IGF2R: variants seen among roughly 807,000 people sequenced by gnomAD.
IGF2R encodes cation-independent mannose-6-phosphate receptor.
IGF2R carries 91 observed loss-of-function variants against 270.6 expected under a neutral mutation model. The observed-to-expected ratio is 0.34, with a 90% CI of 0.28 to 0.40. The LOEUF is 0.40. Ranked by LOEUF, IGF2R falls within the 10% of genes least tolerant of loss-of-function variation. The pLI is 1.00. For synonymous variants in IGF2R, 1,316 were observed against 1,258.9 expected (o/e 1.05, Z -0.96); for missense variants, 2,805 against 3,188.3 (o/e 0.88, Z 2.90).
intron 1 of IGF2R, among the ~76,000 whole-genome samples, chr6:159,980,027 A>C (rs1290410021): frequency 6.6e-6 from 1 of 151,810 alleles, no homozygotes; most frequent in African/African-American, 2.4e-5. Flanking sequence ...AAAATACAAA[A>C]AATCTTAGAT....
intron 4 of IGF2R, among the ~76,000 whole-genome samples, chr6:160,011,196 G>A (rs762834337): frequency 2.0e-5 from 3 of 152,068 alleles, no homozygotes; most frequent in East Asian, 1.9e-4. Context: ...GTTGTACCCC[G>A]CTTTTGATAA....
chr6:160,078,299 C>G lies in IGF2R; in HGVS notation c.5415C>G (p.Thr1805=). The change falls in exon 37 of 48, where the codon ACC becomes ACG. Residue 1805 remains threonine (T), a synonymous_variant. Coordinates refer to ENST00000356956, the MANE Select transcript of IGF2R (RefSeq NM_000876.4). ...ATGAAGTGAGGATGGATGGCTGTAC[C>G]CTGACAGATGAGCAGCTCCTCTACA... is the stretch of plus-strand genomic sequence containing the variant. ...CPDEVRMDGC[T]LTDEQLLYSF... is the part of the protein sequence containing the mutation. 1 of 1,614,108 alleles carries G rather than the reference C, an allele frequency of 6.2e-7. No homozygotes were observed. The highest frequency in any genetic ancestry group is 8.5e-7 in the Non-Finnish European group (1 of 1,179,958).
Position 160,084,177 on chromosome 6 carries a change from G to T in IGF2R, c.6061G>T (p.Gly2021Ter). 6.2e-7 allele frequency: 1 copy of T among 1,604,864 alleles called. No individual in the cohort carries two copies. The highest frequency in any genetic ancestry group is 8.5e-7 in the Non-Finnish European group (1 of 1,171,632). The change falls in exon 40 of 48, where the codon GGA becomes TGA. Residue 2021 changes from glycine to a stop codon, truncating the protein, a stop_gained. Transcript: ENST00000356956. LOFTEE classifies it high-confidence loss of function. The surrounding 1 kb of genome is among the most constrained non-coding windows in gnomAD (Gnocchi z 4.6). Reference protein sequence around the residue: ...LTGSWSLVHNGVSYYINLCQK... With the variant: ...LTGSWSLVHN ...CGGGTCCTGGTCCCTCGTCCACAAC[G>T]GAGTCTCGTGAGTGCCTTCCCAGTC...
At position 160,010,385 on chromosome 6, in the gene IGF2R, G is replaced by A. The variant is rs8191739; in HGVS notation, c.415-302G>A. 57 of 231,214 alleles carry A rather than the reference G, an allele frequency of 2.5e-4. 1 individual carries two copies. The East Asian group carries it at 4.8e-3, about 20-fold the overall frequency. 14.3% of individuals were successfully genotyped at this position (231,214 alleles called of 1,614,324 possible). On this transcript the variant is annotated intron_variant, in intron 3 of 47. Coordinates refer to ENST00000356956, the MANE Select transcript of IGF2R (RefSeq NM_000876.4). ...TTGCTTAAGAGAACATTTGGAGTTT[G>A]AGAGGAGAATGACTGAGGATTTCTT...
intron 26 of IGF2R, 42 bp from the exon 27 acceptor site, chr6:160,063,373 G>A (rs767942522): frequency 6.9e-7 from 1 of 1,444,068 alleles, no homozygotes; most frequent in African/African-American, 1.4e-5. Context: ...GTGAATGCGT[G>A]TGTGGTTGCA....
chr6:159,999,951 A>G (rs1784103928), intron 2 of IGF2R, among the ~76,000 whole-genome samples: 1 of 152,236 alleles, frequency 6.6e-6, no homozygotes, highest in South Asian at 2.1e-4. Flanking sequence ...TTTAATGACT[A>G]AAAGGTGTTC....
intron 10 of IGF2R, among the ~76,000 whole-genome samples, chr6:160,039,273 G>A (rs1240486991): frequency 1.3e-5 from 2 of 152,156 alleles, no homozygotes; most frequent in Admixed American, 6.5e-5. Context: ...GTAACACAAC[G>A]GTAAGTATTT....
At chr6:159,981,337 G>C (rs1010423699) in intron 1 of IGF2R, among the ~76,000 whole-genome samples, 4 of 151,904 alleles carry the variant, frequency 2.6e-5, no homozygotes, top group Non-Finnish European at 5.9e-5. Flanking sequence ...GTGTGTGTCT[G>C]AGTGTGTGTG....
At chr6:159,977,543 G>T (rs1306341955) in intron 1 of IGF2R, among the ~76,000 whole-genome samples, 1 of 152,360 alleles carries the variant, frequency 6.6e-6, no homozygotes, top group Non-Finnish European at 1.5e-5. Flanking sequence ...TGCTGGCAGC[G>T]TGTGGCCTGA....
In IGF2R at chr6:160,072,934, G is replaced by A. The variant is rs368192536; in HGVS notation, c.4690+50G>A. 32 of 1,563,846 alleles carry A rather than the reference G, an allele frequency of 2.0e-5. No individual in the cohort carries two copies. The African/African-American group carries it at 3.7e-4, about 18-fold the overall frequency. ...TTGTCTGACTCTCCCGTCCTCTGGG[G>A]TTGTCCTCAGTCTCTTTGCATGCTA... On this transcript the variant is annotated intron_variant, in intron 33 of 47. Transcript: ENST00000356956.
chr6:160,040,897 G>A (rs1032371832), intron 11 of IGF2R, among the ~76,000 whole-genome samples, 173 bp downstream of exon 11: 2 of 138,446 alleles, frequency 1.4e-5, no homozygotes, highest in Admixed American at 6.9e-5. Context: ...GGACTGGGAG[G>A]TGAAATAACT....
intron 41 of IGF2R, among the ~76,000 whole-genome samples, 165 bp downstream of exon 41, chr6:160,085,296 T>C (rs1414494578): frequency 6.6e-6 from 1 of 152,158 alleles, no homozygotes; most frequent in Non-Finnish European, 1.5e-5. Flanking sequence ...CCTGGCACAT[T>C]AAAATAAGTG....
At chr6:159,989,138 G>C (rs1010925439) in intron 1 of IGF2R, among the ~76,000 whole-genome samples, 1 of 152,182 alleles carries the variant, frequency 6.6e-6, no homozygotes, top group African/African-American at 2.4e-5. Flanking sequence ...GTGGCTATCA[G>C]ACCTTCCAAG....
chr6:160,024,702 T>C lies in IGF2R; in HGVS notation c.644T>C (p.Ile215Thr). The change falls in exon 5 of 48, where the codon ATA becomes ACA. Residue 215 changes from isoleucine to threonine, a missense_variant and splice_region_variant. Physicochemically the swap from Ile to Thr is moderately conservative, Grantham distance 89 (BLOSUM62 -1). Around this residue, in one of 2 missense-constraint regions of IGF2R, gnomAD observed 954 missense variants for 981.1 expected, o/e 0.97. Transcript: ENST00000356956. The part of the protein sequence containing the change: ...TSLFINVCRD[I>T]DTLRDPGSQL... ...CTATTCATCAATGTTTGTAGAGACA[T>C]AGGTATGAATCTTTGTGGGGCTGAG... 6.2e-7 allele frequency: 1 copy of C among 1,614,092 alleles called. No individual in the cohort carries two copies. Among genetic ancestry groups the C allele is most frequent in the Non-Finnish European group, 8.5e-7 (1 of 1,179,956 alleles).
intron 4 of IGF2R, among the ~76,000 whole-genome samples, chr6:160,023,797 A>G (rs1436804259): frequency 6.6e-6 from 1 of 152,230 alleles, no homozygotes; most frequent in Non-Finnish European, 1.5e-5. Context: ...GCAGACATTT[A>G]TAACCATGCA....
intron 1 of IGF2R, among the ~76,000 whole-genome samples, chr6:159,978,509 C>G (rs774034027): frequency 3.9e-5 from 6 of 152,208 alleles, no homozygotes; most frequent in South Asian, 4.1e-4. Flanking sequence ...TGCACATGGT[C>G]AAGGGGGTCC....
At chr6:160,065,914 C>T (rs971125953) in intron 29 of IGF2R, among the ~76,000 whole-genome samples, 5 of 148,192 alleles carry the variant, frequency 3.4e-5, no homozygotes, top group Non-Finnish European at 5.9e-5. Context: ...TCTTGTCTCA[C>T]TGCAACCTCC....
In IGF2R at chr6:159,969,141, C is replaced by T. The variant is rs1783565519; in HGVS notation, c.-106C>T. ...CGCTCACCTCGGGCTCCCGCTCCGT[C>T]TCCACCTCCGCCTTTGCCCTGGCGG... On this transcript the variant is annotated 5_prime_UTR_variant, in exon 1 of 48. Coordinates refer to ENST00000356956, the MANE Select transcript of IGF2R (RefSeq NM_000876.4). 1 of 632,654 alleles carries T rather than the reference C, an allele frequency of 1.6e-6. No individual in the cohort carries two copies. Among genetic ancestry groups the T allele is most frequent in the African/African-American group, 2.0e-5 (1 of 49,700 alleles). 39.2% of individuals were successfully genotyped at this position (632,654 alleles called of 1,614,324 possible). A position where few individuals can be genotyped will look rare whatever the true frequency, so the allele number is the denominator to read the frequency against.
intron 18 of IGF2R, 87 bp downstream of exon 18, chr6:160,048,630 C>A: frequency 2.2e-6 from 3 of 1,366,654 alleles, no homozygotes; most frequent in Admixed American, 2.2e-5. Flanking sequence ...ACATCCAGAT[C>A]AAAGGCAGCA....
Sources: allele counts gnomAD v4.1 joint callset (sites outside exome capture counted in the v4.1 genomes callset), GRCh38; gene constraint gnomAD v4.1.1; regional missense constraint gnomAD v4.1.1; non-coding constraint Gnocchi (gnomAD v3.1); transcripts MANE v1.5; gene names NCBI Gene and HGNC (gene_info 2026-07-23, HGNC 2026-07-21).